Variants in PLPP7 observed in about 807,000 individuals in gnomAD.
PLPP7 encodes phospholipid phosphatase 7 (inactive).
PLPP7 carries 11 observed loss-of-function variants against 16.9 expected under a neutral mutation model. The observed-to-expected ratio is 0.65, with a 90% CI of 0.41 to 1.08. The LOEUF is 1.08. PLPP7 is among the 50% of genes least tolerant of loss of function. The pLI is 0.00. For missense variants in PLPP7, 358 were observed against 397.1 expected, an observed-to-expected ratio of 0.90 and a Z score of 0.84; for synonymous variants, 174 against 175.1, an observed-to-expected ratio of 0.99 and a Z score of 0.05.
rs143567744 is a variant in PLPP7, at chr9:131,295,305, C to T, written c.451+4857C>T. 3.0e-3 allele frequency among the ~76,000 whole-genome samples: 457 copies of T among 151,928 alleles called. 2 individuals are homozygous for T. Among genetic ancestry groups the T allele is most frequent in the Non-Finnish European group, 4.0e-3 (273 of 67,934 alleles). On this transcript the variant is annotated intron_variant, in intron 1 of 1. Coordinates refer to ENST00000372264, the MANE Select transcript of PLPP7 (RefSeq NM_032728.4). This position sits in a 1 kb window ranked among gnomAD's most constrained non-coding sequence, Gnocchi z 4.0. Reference sequence around the variant, plus strand: ...AGTAGCTGGGATTACAGGTGCCCGCCACCACGACTGGCTAATTTTTGTATT... The same window carrying T: ...AGTAGCTGGGATTACAGGTGCCCGCTACCACGACTGGCTAATTTTTGTATT...
At position 131,295,310 on chromosome 9, in the gene PLPP7, C is replaced by T. The variant is rs148060219; in HGVS notation, c.451+4862C>T. 9.3e-3 allele frequency among the ~76,000 whole-genome samples: 1,411 copies of T among 151,968 alleles called. 24 individuals are homozygous for T. Among genetic ancestry groups the T allele is most frequent in the African/African-American group, 0.032 (1,327 of 41,478 alleles). ...CTGGGATTACAGGTGCCCGCCACCA[C>T]GACTGGCTAATTTTTGTATTTTTAG... On this transcript the variant is annotated intron_variant, in intron 1 of 1. Coordinates refer to ENST00000372264, the MANE Select transcript of PLPP7 (RefSeq NM_032728.4). The surrounding 1 kb of genome is among the most constrained non-coding windows in gnomAD (Gnocchi z 4.0).
At chr9:131,303,000 A>T (rs989776333) in intron 1 of PLPP7, among the ~76,000 whole-genome samples, 3 of 152,202 alleles carry the variant, frequency 2.0e-5, no homozygotes, top group Non-Finnish European at 4.4e-5. Flanking sequence ...CAGGCAGCAG[A>T]ACAACATATG....
intron 1 of PLPP7, among the ~76,000 whole-genome samples, chr9:131,302,079 A>T (rs1044877633): frequency 5.3e-5 from 8 of 152,118 alleles, no homozygotes; most frequent in African/African-American, 1.7e-4. Context: ...TCGGCCTCCC[A>T]AAGTGCTGGA....
chr9:131,297,847 C>G (rs1835751748), intron 1 of PLPP7, among the ~76,000 whole-genome samples: 1 of 152,150 alleles, frequency 6.6e-6, no homozygotes, highest in Non-Finnish European at 1.5e-5. Flanking sequence ...AGATTTTTTT[C>G]TCTGTATATA....
intron 1 of PLPP7, among the ~76,000 whole-genome samples, chr9:131,298,568 AG>A (rs1025492785): frequency 1.3e-5 from 2 of 151,648 alleles, no homozygotes; most frequent in Non-Finnish European, 2.9e-5. Flanking sequence ...GTGCGTCCTC[AG>A]GGGGAAAGCA....
At position 131,308,361 on chromosome 9, in the gene PLPP7, C is replaced by A. The variant is rs1023635027; in HGVS notation, c.*74C>A. 17 of 1,481,444 alleles carry A rather than the reference C, an allele frequency of 1.1e-5. No individual in the cohort carries two copies. In the African/African-American group the frequency reaches 2.1e-4, roughly 18 times the overall value. The allele number at this position is 1,481,444 out of a possible 1,614,324, so 91.8% of individuals were successfully genotyped here. ...GAAGGGGCAGGGGGTGGCGAGGTGG[C>A]GGGCGTGGGTGGAACAGAGCGGCCA... On this transcript the variant is annotated 3_prime_UTR_variant, in exon 2 of 2. Transcript: ENST00000372264.
chr9:131,300,230 G>A (rs897498733), intron 1 of PLPP7, among the ~76,000 whole-genome samples: 2 of 152,200 alleles, frequency 1.3e-5, no homozygotes, highest in African/African-American at 2.4e-5. Context: ...TCACCCTTTC[G>A]TCAGGAACCA....
chr9:131,303,506 T>C (rs940986980), intron 1 of PLPP7, among the ~76,000 whole-genome samples: 9 of 145,994 alleles, frequency 6.2e-5, no homozygotes, highest in Non-Finnish European at 1.4e-4. Context: ...TTTTTTTTAC[T>C]TTTTTTCCAT....
chr9:131,299,679 C>T (rs931428790), intron 1 of PLPP7, among the ~76,000 whole-genome samples: 1 of 152,176 alleles, frequency 6.6e-6, no homozygotes, highest in South Asian at 2.1e-4. Context: ...CGAAAAGCCA[C>T]GCACCCCGTC....
intron 1 of PLPP7, among the ~76,000 whole-genome samples, chr9:131,301,449 G>T (rs1835797224): frequency 6.6e-6 from 1 of 152,152 alleles, no homozygotes; most frequent in Non-Finnish European, 1.5e-5. Context: ...AGCTGTTCGG[G>T]CACCCAGACC....
chr9:131,294,018 T>C (rs1835709558), intron 1 of PLPP7, among the ~76,000 whole-genome samples: 1 of 152,256 alleles, frequency 6.6e-6, no homozygotes, highest in South Asian at 2.1e-4. Flanking sequence ...AAATGGGAGC[T>C]GCAGCTACGA....
chr9:131,306,139 AGGCAGGAGAAT>A (rs2131221126), intron 1 of PLPP7, among the ~76,000 whole-genome samples: 1 of 152,266 alleles, frequency 6.6e-6, no homozygotes, highest in South Asian at 2.1e-4. Flanking sequence ...CAGGAGGCTG[AGGCAGGAGAAT>A]GGCGTGAACC....
intron 1 of PLPP7, among the ~76,000 whole-genome samples, chr9:131,306,896 G>A (rs1297069587): frequency 6.6e-6 from 1 of 152,190 alleles, no homozygotes; most frequent in African/African-American, 2.4e-5. Flanking sequence ...GCTGAAGCGT[G>A]CACTCTAAAA....
chr9:131,302,043 T>C (rs1835804454), intron 1 of PLPP7, among the ~76,000 whole-genome samples: 1 of 152,126 alleles, frequency 6.6e-6, no homozygotes, highest in African/African-American at 2.4e-5. Context: ...GGTCTCGAAC[T>C]CCTGACCTCA....
At chr9:131,304,813 A>G (rs1835836730) in intron 1 of PLPP7, among the ~76,000 whole-genome samples, 1 of 152,226 alleles carries the variant, frequency 6.6e-6, no homozygotes, top group South Asian at 2.1e-4. Context: ...TGCCGCAGAC[A>G]GCGAACCCTC....
chr9:131,307,980 G>A lies in PLPP7; in HGVS notation c.509G>A (p.Gly170Asp). The A allele has an allele frequency of 6.2e-7, 1 of 1,600,040 alleles. No homozygotes were observed. Residue 170 changes from glycine to aspartate, a missense_variant, in exon 2 of 2, where the codon GGC becomes GAC. By Grantham distance (94) the Gly-to-Asp change is moderately conservative (BLOSUM62 -1). Coordinates refer to ENST00000372264, the MANE Select transcript of PLPP7 (RefSeq NM_032728.4). ...GTGCAGAAGCTCATCAAGCGGCGCG[G>A]CCCGTACGAGACGAGCCCCAGCCTC... ...AGVQKLIKRR[G>D]PYETSPSLLD...
chr9:131,301,558 C>G (rs527364092), intron 1 of PLPP7, among the ~76,000 whole-genome samples: 1 of 152,202 alleles, frequency 6.6e-6, no homozygotes, highest in Non-Finnish European at 1.5e-5. Flanking sequence ...GGAACCTGGG[C>G]CAGACAATTT....
chr9:131,291,469 T>G (rs1451960447), intron 1 of PLPP7: 1 of 1,027,672 alleles, frequency 9.7e-7, no homozygotes, highest in East Asian at 8.0e-5. Flanking sequence ...GGCTCTATGC[T>G]CTCTGGGTGG....
chr9:131,291,557 CTT>C (rs940950338), intron 1 of PLPP7: 1,284 of 161,406 alleles, frequency 8.0e-3, no homozygotes, highest in Middle Eastern at 0.02. Context: ...TTTCTTGTTC[CTT>C]TTTTTTTTTT....
Sources: gnomAD v4.1 joint callset for allele counts (sites outside exome capture counted in the v4.1 genomes callset) on GRCh38, gnomAD v4.1.1 for gene constraint, Gnocchi (gnomAD v3.1) non-coding constraint, MANE v1.5 for transcripts, NCBI Gene and HGNC (gene_info 2026-07-23, HGNC 2026-07-21) for gene names.